The following TBX15 variants were observed in gnomAD, a reference collection of about 807,000 sequenced individuals.
TBX15 encodes T-box transcription factor 15.
In TBX15, 18 loss-of-function variants were observed where a neutral mutation model predicts 53.9. The observed-to-expected ratio is 0.33, with a 90% CI of 0.23 to 0.49. The LOEUF is 0.49. TBX15 is among the 20% of genes least tolerant of loss of function. The pLI is 0.98. For missense variants in TBX15, 692 were observed against 749.5 expected (o/e 0.92, Z 0.90); for synonymous variants, 295 against 278.0 (o/e 1.06, Z -0.61).
intron 3 of TBX15, 146 bp downstream of exon 3, chr1:118,926,364 G>A: frequency 1.3e-6 from 1 of 758,442 alleles, no homozygotes; most frequent in East Asian, 2.7e-5. Flanking sequence ...TTTCCACCTG[G>A]TGCTCTGCCA....
chr1:118,922,737 C>T (rs1655464054), intron 5 of TBX15, among the ~76,000 whole-genome samples: 1 of 152,158 alleles, frequency 6.6e-6, no homozygotes, highest in Non-Finnish European at 1.5e-5. Flanking sequence ...AAGAGGCTGT[C>T]AGAAACCCAT....
chr1:118,935,811 T>C (rs1247007500), intron 1 of TBX15, among the ~76,000 whole-genome samples: 1 of 152,208 alleles, frequency 6.6e-6, no homozygotes, highest in African/African-American at 2.4e-5. Context: ...TAAAAGAACT[T>C]TTAATTTATG....
At chr1:118,922,723 T>C (rs1164059541) in intron 5 of TBX15, among the ~76,000 whole-genome samples, 12 of 152,216 alleles carry the variant, frequency 7.9e-5, no homozygotes, top group Admixed American at 7.9e-4. Context: ...AGGTAAAGGA[T>C]GTGAAGAGGC....
At chr1:118,897,985 G>C (rs1654486374) in intron 7 of TBX15, among the ~76,000 whole-genome samples, 1 of 152,188 alleles carries the variant, frequency 6.6e-6, no homozygotes, top group Non-Finnish European at 1.5e-5. Context: ...TGAAGGTGAA[G>C]ATAATGAGGA....
intron 7 of TBX15, among the ~76,000 whole-genome samples, chr1:118,886,203 T>C (rs190239947): frequency 6.6e-6 from 1 of 152,330 alleles, no homozygotes; most frequent in Admixed American, 6.5e-5. Flanking sequence ...AAAATCATTA[T>C]GAACCAGAGG....
At chr1:118,890,890 C>T (rs375238421) in intron 7 of TBX15, 3 of 1,304,014 alleles carry the variant, frequency 2.3e-6, no homozygotes, top group East Asian at 5.5e-5. Context: ...CCAGACTCTT[C>T]TCTCGTATAA....
Position 118,891,146 on chromosome 1 carries a change from G to A in TBX15, c.1025-5630C>T, listed in dbSNP as rs191159422. Among the ~76,000 whole-genome samples, 8 of 152,302 alleles carry A rather than the reference G, an allele frequency of 5.3e-5. No individual in the cohort carries two copies. The East Asian group carries it at 5.8e-4, about 11-fold the overall frequency. On this transcript the variant is annotated intron_variant, in intron 7 of 7. Coordinates refer to ENST00000369429, the MANE Select transcript of TBX15 (RefSeq NM_001330677.2). ...ACATTAGAGTGCTAATAGGAATTGC[G>A]TGGTTTCAATCTTAGAAAGACTCCT...
chr1:118,973,400 G>GCCA (rs1657302343), intron 1 of TBX15, among the ~76,000 whole-genome samples: 1 of 151,466 alleles, frequency 6.6e-6, no homozygotes, highest in African/African-American at 2.4e-5. Context: ...CCCAACAGAG[G>GCCA]CCATCCAATA....
intron 1 of TBX15, among the ~76,000 whole-genome samples, chr1:118,965,637 T>C (rs1299946089): frequency 6.6e-6 from 1 of 152,158 alleles, no homozygotes; most frequent in Admixed American, 6.5e-5. Context: ...GGAGTCTTAT[T>C]TAAAGAAGGA....
At chr1:118,929,669 A>T (rs888745997) in intron 2 of TBX15, among the ~76,000 whole-genome samples, 6 of 152,310 alleles carry the variant, frequency 3.9e-5, no homozygotes, top group Middle Eastern at 3.4e-3. Flanking sequence ...GGGATATGGA[A>T]ATGAAAATAC....
chr1:118,916,900 T>A (rs536047828), intron 5 of TBX15, among the ~76,000 whole-genome samples: 4 of 151,614 alleles, frequency 2.6e-5, no homozygotes, highest in South Asian at 4.2e-4. Context: ...TAAAAATAAA[T>A]AAATAAAAAT....
intron 7 of TBX15, among the ~76,000 whole-genome samples, chr1:118,895,030 C>T (rs766981480): frequency 2.0e-5 from 3 of 152,154 alleles, no homozygotes; most frequent in Non-Finnish European, 4.4e-5. Flanking sequence ...ATTACAGTGA[C>T]GTCATAGTTC....
intron 1 of TBX15, among the ~76,000 whole-genome samples, chr1:118,960,040 G>C (rs1656815066): frequency 6.7e-6 from 1 of 149,714 alleles, no homozygotes; most frequent in Non-Finnish European, 1.5e-5. Context: ...AGAATCACTG[G>C]AGCAAAGCAA....
At chr1:118,911,156 A>G (rs1655014224) in intron 6 of TBX15, among the ~76,000 whole-genome samples, 1 of 152,160 alleles carries the variant, frequency 6.6e-6, no homozygotes, top group African/African-American at 2.4e-5. Context: ...CTCCAGCTTT[A>G]CTTTGTGACA....
At chr1:118,943,652 G>A (rs1298318751) in intron 1 of TBX15, among the ~76,000 whole-genome samples, 2 of 152,178 alleles carry the variant, frequency 1.3e-5, no homozygotes, top group East Asian at 3.9e-4. Flanking sequence ...TGAAAAAGCT[G>A]CCCAAAGGCA....
intron 6 of TBX15, among the ~76,000 whole-genome samples, chr1:118,903,916 C>T (rs1654723496): frequency 6.6e-6 from 1 of 152,048 alleles, no homozygotes; most frequent in South Asian, 2.1e-4. Flanking sequence ...CTTAATATAC[C>T]TGAAAAAGTC....
intron 1 of TBX15, among the ~76,000 whole-genome samples, chr1:118,949,905 A>G (rs1363647395): frequency 1.3e-5 from 2 of 152,232 alleles, no homozygotes; most frequent in Non-Finnish European, 2.9e-5. Flanking sequence ...AACCTTAAAG[A>G]AAGAATAGTT....
At chr1:118,917,146 T>C (rs1457170652) in intron 5 of TBX15, among the ~76,000 whole-genome samples, 1 of 152,060 alleles carries the variant, frequency 6.6e-6, no homozygotes, top group African/African-American at 2.4e-5. Context: ...CTATTCACAA[T>C]AACAAAGACG....
chr1:118,890,885 C>T, intron 7 of TBX15: 2 of 1,303,840 alleles, frequency 1.5e-6, no homozygotes, highest in South Asian at 1.2e-5. Flanking sequence ...ATGAGCCAGA[C>T]TCTTCTCTCG....
Sources: gnomAD v4.1 joint callset for allele counts (sites outside exome capture counted in the v4.1 genomes callset) on GRCh38, gnomAD v4.1.1 for gene constraint, MANE v1.5 for transcripts, NCBI Gene and HGNC (gene_info 2026-07-23, HGNC 2026-07-21) for gene names.